NAGS: variants seen among roughly 807,000 people sequenced by gnomAD.
NAGS encodes N-acetylglutamate synthase.
In NAGS, 34 loss-of-function variants were observed where a neutral mutation model predicts 46.9. The observed-to-expected ratio is 0.72, with a 90% CI of 0.55 to 0.97. The LOEUF (loss-of-function observed/expected upper bound fraction) is 0.97, where lower values mean the gene tolerates loss of function less well. NAGS is among the 50% of genes least tolerant of loss of function. The pLI, the probability that NAGS is intolerant of heterozygous loss-of-function variation, is 0.00. For synonymous variants in NAGS, 334 were observed against 346.3 expected, an observed-to-expected ratio of 0.96 and a Z score of 0.39; for missense variants, 665 against 747.0, an observed-to-expected ratio of 0.89 and a Z score of 1.28.
rs1433545406 is a variant in NAGS at position 44,005,622 on chromosome 17, C to T, written c.427-15C>T. The T allele has an allele frequency of 6.2e-7, 1 of 1,609,168 alleles. No homozygotes were observed. Among genetic ancestry groups the T allele is most frequent in the African/African-American group, 1.3e-5 (1 of 74,824 alleles). On this transcript the variant is annotated splice_polypyrimidine_tract_variant and intron_variant, in intron 1 of 6. Coordinates refer to ENST00000293404, the MANE Select transcript of NAGS (RefSeq NM_153006.3). This position sits in a 1 kb window ranked among gnomAD's most constrained non-coding sequence, Gnocchi z 7.2. Reference sequence around the variant, plus strand: ...AGGTCCGTGTCACGCTCCTTGAAAGCCCACTCCTCCGCAGGTGGACGAGGA... The same window carrying T: ...AGGTCCGTGTCACGCTCCTTGAAAGTCCACTCCTCCGCAGGTGGACGAGGA...
At position 44,006,412 on chromosome 17, in the gene NAGS, C is replaced by A. The variant is rs1226933389; in HGVS notation, c.916-117C>A. On this transcript the variant is annotated intron_variant, in intron 3 of 6. Transcript: ENST00000293404. This position sits in a 1 kb window ranked among gnomAD's most constrained non-coding sequence, Gnocchi z 4.8. The stretch of plus-strand genomic sequence containing the variant: ...GTGCCCAGATCTGCGCCCTCCCTGG[C>A]TAAGGACTCCGGGCGGAAGTAAGGA... 6.7e-7 allele frequency: 1 copy of A among 1,490,220 alleles called. No homozygotes were observed. Among genetic ancestry groups the A allele is most frequent in the African/African-American group, 1.4e-5 (1 of 71,984 alleles). 92.3% of individuals were successfully genotyped at this position (1,490,220 alleles called of 1,614,324 possible).
chr17:44,007,308 C>G lies in NAGS; in HGVS notation c.1097-15C>G. On this transcript the variant is annotated splice_polypyrimidine_tract_variant and intron_variant, in intron 4 of 6. Coordinates refer to ENST00000293404, the MANE Select transcript of NAGS (RefSeq NM_153006.3). The surrounding 1 kb of genome is among the most constrained non-coding windows in gnomAD (Gnocchi z 5.1). ...GGCCCTCCAGCCAGACTAGCCCCTC[C>G]CCATCCTCCTCCAGGGTCCGGGACC... 6.2e-7 allele frequency: 1 copy of G among 1,613,410 alleles called. No homozygotes were observed. The highest frequency in any genetic ancestry group is 8.5e-7 in the Non-Finnish European group (1 of 1,179,740).
Position 44,007,249 on chromosome 17 carries a change from G to T in NAGS, c.1097-74G>T. The T allele has an allele frequency of 6.8e-7, 1 of 1,464,448 alleles. No individual in the cohort carries two copies. The highest frequency in any genetic ancestry group is 2.1e-4 in the Middle Eastern group (1 of 4,850). 90.7% of individuals were successfully genotyped at this position (1,464,448 alleles called of 1,614,324 possible). On this transcript the variant is annotated intron_variant, in intron 4 of 6. Coordinates refer to ENST00000293404, the MANE Select transcript of NAGS (RefSeq NM_153006.3). This position sits in a 1 kb window ranked among gnomAD's most constrained non-coding sequence, Gnocchi z 5.1. The stretch of plus-strand genomic sequence containing the variant: ...GACGGAAATTGTCCCACCAGCGCCT[G>T]TCCTACCTGCAGTCCCCACCAGGCT...
At position 44,006,263 on chromosome 17, in the gene NAGS, C is replaced by T. The variant is rs1567942930; in HGVS notation, c.915+26C>T. 1.2e-6 allele frequency: 2 copies of T among 1,609,696 alleles called. No individual in the cohort carries two copies. Among genetic ancestry groups the T allele is most frequent in the East Asian group, 4.5e-5 (2 of 44,780 alleles). ...GTGCGGCCCTTTCTTTCACCTTCCC[C>T]CACGCCGGCGATCCGGGCCTTCTCT... On this transcript the variant is annotated intron_variant, in intron 3 of 6. Transcript: ENST00000293404. The surrounding 1 kb of genome is among the most constrained non-coding windows in gnomAD (Gnocchi z 4.8).
In NAGS at chr17:44,005,670, G is replaced by T. The variant is rs749017042; in HGVS notation, c.460G>T (p.Val154Leu). The change falls in exon 2 of 7, where the codon GTA (valine) becomes TTA (leucine). Residue 154 changes from valine (V) to leucine (L), a missense_variant. Transcript: ENST00000293404. This position sits in a 1 kb window ranked among gnomAD's most constrained non-coding sequence, Gnocchi z 7.2. ...DEEVLKCQQG[V>L]SSLAFALAFL... ...GGAGGTGCTCAAGTGCCAGCAGGGC[G>T]TATCCAGTCTGGCCTTTGCCCTGGC... 3 of 1,610,386 alleles carry T rather than the reference G, an allele frequency of 1.9e-6. No individual in the cohort carries two copies. Among genetic ancestry groups the T allele is most frequent in the Non-Finnish European group, 1.7e-6 (2 of 1,178,690 alleles).
Position 44,005,564 on chromosome 17 carries a change from C to T in NAGS, c.427-73C>T. 39 of 1,559,778 alleles carry T rather than the reference C, an allele frequency of 2.5e-5. No individual in the cohort carries two copies. Among genetic ancestry groups the T allele is most frequent in the Non-Finnish European group, 3.4e-5 (39 of 1,150,354 alleles). Reference sequence around the variant, plus strand: ...TGGAAGGGTAGGGTCACCGAGACGGCCCTGCAGGCCAGGCTGTGGGAGCCA... The same window carrying T: ...TGGAAGGGTAGGGTCACCGAGACGGTCCTGCAGGCCAGGCTGTGGGAGCCA... On this transcript the variant is annotated intron_variant, in intron 1 of 6. Transcript: ENST00000293404. This position sits in a 1 kb window ranked among gnomAD's most constrained non-coding sequence, Gnocchi z 7.2.
Position 44,007,603 on chromosome 17 carries a change from C to A in NAGS, c.1281C>A (p.Ala427=). ...SIYVSEGYNA[A]AILTMEPVLG... ...CCCGCTGCGCCAGGTACAACGCCGC[C>A]GCCATTCTGACCATGGAGCCCGTCC... The change falls in exon 6 of 7, where the codon GCC becomes GCA. Residue 427 remains alanine (A), a synonymous_variant. Coordinates refer to ENST00000293404, the MANE Select transcript of NAGS (RefSeq NM_153006.3). The surrounding 1 kb of genome is among the most constrained non-coding windows in gnomAD (Gnocchi z 5.1). 6.2e-7 allele frequency: 1 copy of A among 1,609,218 alleles called. No homozygotes were observed. The highest frequency in any genetic ancestry group is 8.5e-7 in the Non-Finnish European group (1 of 1,177,916).
rs534799300 is a variant in NAGS at position 44,004,943 on chromosome 17, G to A, written c.280G>A (p.Glu94Lys). ...PRPPVPHESPEPPSGRSLVQR... is the reference protein window; with the variant it reads ...PRPPVPHESPKPPSGRSLVQR... ...GCCCCCGGTGCCCCACGAGTCCCCA[G>A]AGCCTCCTTCGGGCCGCTCGCTGGT... Residue 94 changes from glutamate (E) to lysine (K), a missense_variant, in exon 1 of 7, where the codon GAG (glutamate) becomes AAG (lysine). Coordinates refer to ENST00000293404, the MANE Select transcript of NAGS (RefSeq NM_153006.3). The A allele has an allele frequency of 2.5e-5, 39 of 1,536,972 alleles. No individual in the cohort carries two copies. In the African/African-American group the frequency reaches 4.8e-4, roughly 19 times the overall value.
chr17:44,008,888 G>A lies in NAGS; in HGVS notation c.*287G>A, dbSNP rs1417524285. ...TTAGGGGAGGGGAGGGTGCCTTCCA[G>A]GGCTCTACTCAGGACTAACCCTAAG... is the stretch of plus-strand genomic sequence containing the variant. On this transcript the variant is annotated 3_prime_UTR_variant, in exon 7 of 7. Coordinates refer to ENST00000293404, the MANE Select transcript of NAGS (RefSeq NM_153006.3). 3.9e-6 allele frequency: 2 copies of A among 513,220 alleles called. No homozygotes were observed. Among genetic ancestry groups the A allele is most frequent in the Non-Finnish European group, 3.5e-6 (1 of 282,412 alleles). The allele number at this position is 513,220 out of a possible 1,614,324, so 31.8% of individuals were successfully genotyped here. A position where few individuals can be genotyped will look rare whatever the true frequency, so the allele number is the denominator to read the frequency against.
rs774859201 is a variant in NAGS, at chr17:44,006,614, G to A, written c.1001G>A (p.Arg334Gln). ...WVSTKERQQM[R>Q]LIVDVLSRLP... ...AGCACAAAAGAACGGCAGCAGATGC[G>A]GCTCATCGTGGACGTGCTCAGCCGC... The change falls in exon 4 of 7, where the codon CGG becomes CAG. Residue 334 changes from arginine (R) to glutamine (Q), a missense_variant. Physicochemically the swap from Arg to Gln is conservative, Grantham distance 43 (BLOSUM62 1). Transcript: ENST00000293404. The surrounding 1 kb of genome is among the most constrained non-coding windows in gnomAD (Gnocchi z 4.8). 3 of 1,606,288 alleles carry A rather than the reference G, an allele frequency of 1.9e-6. No homozygotes were observed. Among genetic ancestry groups the A allele is most frequent in the Non-Finnish European group, 2.5e-6 (3 of 1,177,016 alleles).
chr17:44,008,724 G>A lies in NAGS; in HGVS notation c.*123G>A, dbSNP rs2049125964. ...GGGCTTGTTGGCTGAGTGATCTGCA[G>A]AGGAGAAAGCAGCCCCAGCTCTGCC... On this transcript the variant is annotated 3_prime_UTR_variant, in exon 7 of 7. Transcript: ENST00000293404. 6.7e-6 allele frequency: 9 copies of A among 1,338,578 alleles called. No individual in the cohort carries two copies. Among genetic ancestry groups the A allele is most frequent in the Non-Finnish European group, 9.6e-6 (9 of 940,778 alleles). The allele number at this position is 1,338,578 out of a possible 1,614,324, so 82.9% of individuals were successfully genotyped here.
rs202173320 is a variant in NAGS at position 44,006,162 on chromosome 17, G to A, written c.840G>A (p.Ser280=). 2 of 1,613,374 alleles carry A rather than the reference G, an allele frequency of 1.2e-6. No individual in the cohort carries two copies. Among genetic ancestry groups the A allele is most frequent in the East Asian group, 2.2e-5 (1 of 44,878 alleles). Residue 280 remains serine, a synonymous_variant, in exon 3 of 7, where the codon TCG becomes TCA. Coordinates refer to ENST00000293404, the MANE Select transcript of NAGS (RefSeq NM_153006.3). The surrounding 1 kb of genome is among the most constrained non-coding windows in gnomAD (Gnocchi z 4.8). ...VLLDSLEVTA[S]LAKALRPTKI... is the part of the protein sequence containing the mutation. ...TCGACTCCCTGGAGGTGACCGCGTC[G>A]CTGGCCAAGGCGCTGCGGCCCACCA...
In NAGS at chr17:44,006,172, G is replaced by A; in HGVS notation, c.850G>A (p.Ala284Thr). Residue 284 changes from alanine to threonine, a missense_variant, in exon 3 of 7, where the codon GCG becomes ACG. Transcript: ENST00000293404. The surrounding 1 kb of genome is among the most constrained non-coding windows in gnomAD (Gnocchi z 4.8). ...GGAGGTGACCGCGTCGCTGGCCAAG[G>A]CGCTGCGGCCCACCAAAATCATCTT... is the stretch of plus-strand genomic sequence containing the variant. ...SLEVTASLAK[A>T]LRPTKIIFLN... 6.2e-7 allele frequency: 1 copy of A among 1,613,404 alleles called. No individual in the cohort carries two copies. Among genetic ancestry groups the A allele is most frequent in the South Asian group, 1.1e-5 (1 of 91,088 alleles).
rs977441358 is a variant in NAGS, at chr17:44,007,421, T to C, written c.1195T>C (p.Phe399Leu). The change falls in exon 5 of 7, where the codon TTC (phenylalanine) becomes CTC (leucine). Residue 399 changes from phenylalanine (F) to leucine (L), a missense_variant. Transcript: ENST00000293404. This position sits in a 1 kb window ranked among gnomAD's most constrained non-coding sequence, Gnocchi z 5.1. ...TCTAGTGGACCTGGTCAACGCCAGC[T>C]TCGGCAAGAAGCTCAGGGACGACTA... is the stretch of plus-strand genomic sequence containing the variant. ...GRLVDLVNAS[F>L]GKKLRDDYLA... 11 of 1,613,904 alleles carry C rather than the reference T, an allele frequency of 6.8e-6. No individual in the cohort carries two copies. The highest frequency in any genetic ancestry group is 9.3e-6 in the Non-Finnish European group (11 of 1,180,000).
chr17:44,008,688 CAGGCTGA>C lies in NAGS; in HGVS notation c.*91_*97del. The C allele has an allele frequency of 1.3e-6, 2 of 1,565,082 alleles. No homozygotes were observed. The highest frequency in any genetic ancestry group is 1.8e-6 in the Non-Finnish European group (2 of 1,137,826). On this transcript the variant is annotated 3_prime_UTR_variant, in exon 7 of 7. Transcript: ENST00000293404. ...GGGCATGACCCCAGGCAGCCAGCCA[CAGGCTGA>C]AGGGGGCTTGTTGGCTGAGTGATCT...
At position 44,006,148 on chromosome 17, in the gene NAGS, G is replaced by A. The variant is rs756051774; in HGVS notation, c.826G>A (p.Glu276Lys). ...ARRSVLLDSL[E>K]VTASLAKALR... is the part of the protein sequence containing the mutation. Reference sequence around the variant, plus strand: ...CCGCTCCGTGCTTCTCGACTCCCTGGAGGTGACCGCGTCGCTGGCCAAGGC... The same window carrying A: ...CCGCTCCGTGCTTCTCGACTCCCTGAAGGTGACCGCGTCGCTGGCCAAGGC... The change falls in exon 3 of 7, where the codon GAG (glutamate) becomes AAG (lysine). Residue 276 changes from glutamate to lysine, a missense_variant. Physicochemically the swap from Glu to Lys is moderately conservative, Grantham distance 56. Coordinates refer to ENST00000293404, the MANE Select transcript of NAGS (RefSeq NM_153006.3). This position sits in a 1 kb window ranked among gnomAD's most constrained non-coding sequence, Gnocchi z 4.8. The A allele has an allele frequency of 2.5e-6, 4 of 1,613,280 alleles. No homozygotes were observed. The South Asian group carries it at 3.3e-5, about 13-fold the overall frequency.
rs2049125239 is a variant in NAGS, at chr17:44,008,655, T to C, written c.*54T>C. On this transcript the variant is annotated 3_prime_UTR_variant, in exon 7 of 7. Transcript: ENST00000293404. Reference sequence around the variant, plus strand: ...AATGGCCAGGGTGGACCAAAAGCCATGCCAGCTGGGCATGACCCCAGGCAG... The same window carrying C: ...AATGGCCAGGGTGGACCAAAAGCCACGCCAGCTGGGCATGACCCCAGGCAG... The C allele has an allele frequency of 5.0e-6, 8 of 1,610,896 alleles. No homozygotes were observed. The Admixed American group carries it at 8.3e-5, about 17-fold the overall frequency.
At position 44,005,574 on chromosome 17, in the gene NAGS, C is replaced by A. The variant is rs528633887; in HGVS notation, c.427-63C>A. 1.3e-6 allele frequency: 2 copies of A among 1,579,982 alleles called. No homozygotes were observed. The highest frequency in any genetic ancestry group is 2.3e-5 in the East Asian group (1 of 43,070). On this transcript the variant is annotated intron_variant, in intron 1 of 6. Coordinates refer to ENST00000293404, the MANE Select transcript of NAGS (RefSeq NM_153006.3). The surrounding 1 kb of genome is among the most constrained non-coding windows in gnomAD (Gnocchi z 7.2). Reference sequence around the variant, plus strand: ...GGGTCACCGAGACGGCCCTGCAGGCCAGGCTGTGGGAGCCAGCGGCTCAGG... The same window carrying A: ...GGGTCACCGAGACGGCCCTGCAGGCAAGGCTGTGGGAGCCAGCGGCTCAGG...
chr17:44,005,617 G>C lies in NAGS; in HGVS notation c.427-20G>C. On this transcript the variant is annotated intron_variant, in intron 1 of 6. Transcript: ENST00000293404. The surrounding 1 kb of genome is among the most constrained non-coding windows in gnomAD (Gnocchi z 7.2). ...GGCTCAGGTCCGTGTCACGCTCCTT[G>C]AAAGCCCACTCCTCCGCAGGTGGAC... is the stretch of plus-strand genomic sequence containing the variant. 1 of 1,608,452 alleles carries C rather than the reference G, an allele frequency of 6.2e-7. No homozygotes were observed. Among genetic ancestry groups the C allele is most frequent in the Non-Finnish European group, 8.5e-7 (1 of 1,178,014 alleles).
Sources: gnomAD v4.1 joint callset for allele counts on GRCh38, gnomAD v4.1.1 for gene constraint, Gnocchi (gnomAD v3.1) non-coding constraint, MANE v1.5 for transcripts, NCBI Gene and HGNC (gene_info 2026-07-23, HGNC 2026-07-21) for gene names.